ABR: variants seen among roughly 807,000 people sequenced by gnomAD.
The protein encoded by ABR is active breakpoint cluster region-related protein.
A neutral mutation model predicts 107.2 loss-of-function variants in ABR; 35 were observed. The ratio of observed to expected loss-of-function variants is 0.33; its 90% CI spans 0.25 to 0.43. The LOEUF is 0.43. Among genes scored for constraint, ABR ranks in the 20% least tolerant of loss-of-function variants. The pLI, the probability that ABR is intolerant of heterozygous loss-of-function variation, is 1.00. For synonymous variants in ABR, 498 were observed against 462.0 expected (o/e 1.08, Z -1.00); for missense variants, 815 against 1,115.2 (o/e 0.73, Z 3.83).
chr17:1,152,516 A>G (rs554285129), intron 1 of ABR, among the ~76,000 whole-genome samples: 1 of 147,128 alleles, frequency 6.8e-6, no homozygotes, highest in South Asian at 2.2e-4. Context: ...ACTTGAGTCC[A>G]GGAGGTGGAA....
At chr17:1,225,996 G>A (rs962013072) in intron 1 of ABR, among the ~76,000 whole-genome samples, 4 of 152,192 alleles carry the variant, frequency 2.6e-5, no homozygotes, top group South Asian at 2.1e-4. Context: ...ATACGCGTCC[G>A]CATAGAACCG....
intron 16 of ABR, among the ~76,000 whole-genome samples, chr17:1,014,094 G>T (rs908529261): frequency 1.3e-5 from 2 of 152,140 alleles, no homozygotes; most frequent in African/African-American, 2.4e-5. Flanking sequence ...CCTTCTCATG[G>T]ATTCAGTGGG....
At chr17:1,054,493 TCA>T (rs2032990364) in intron 14 of ABR, among the ~76,000 whole-genome samples, 2 of 142,094 alleles carry the variant, frequency 1.4e-5, no homozygotes, top group African/African-American at 5.7e-5. Flanking sequence ...ACAAGGAACC[TCA>T]AAGGGATGGG....
At chr17:1,112,596 TGAGGGAGG>T (rs886705156) in intron 2 of ABR, among the ~76,000 whole-genome samples, 16 of 111,176 alleles carry the variant, frequency 1.4e-4, no homozygotes, top group African/African-American at 5.5e-4. Flanking sequence ...GACTCTGTCT[TGAGGGAGG>T]GAGGGAGGGA....
At chr17:1,085,600 G>A (rs1461545392) in intron 4 of ABR, among the ~76,000 whole-genome samples, 1 of 152,150 alleles carries the variant, frequency 6.6e-6, no homozygotes, top group Admixed American at 6.5e-5. Context: ...CTGCAGAGCC[G>A]TATCGTTCAG....
intron 16 of ABR, among the ~76,000 whole-genome samples, chr17:1,044,193 C>T (rs973679491): frequency 1.9e-5 from 2 of 104,478 alleles, no homozygotes; most frequent in Admixed American, 8.7e-5. Flanking sequence ...GGGCAAGAGC[C>T]GGTGGAGGGG....
intron 1 of ABR, among the ~76,000 whole-genome samples, chr17:1,196,696 CT>C (rs377678872): frequency 0.3 from 40,104 of 134,672 alleles, 6,238 homozygotes; most frequent in East Asian, 0.59. Context: ...TCCAACCTTC[CT>C]TTTTTTTTTT....
intron 14 of ABR, among the ~76,000 whole-genome samples, chr17:1,054,171 G>A (rs559357597): frequency 6.6e-6 from 1 of 152,360 alleles, no homozygotes; most frequent in East Asian, 1.9e-4. Context: ...TCGGCGGGAT[G>A]CCGGAGGCTC....
intron 21 of ABR, among the ~76,000 whole-genome samples, chr17:1,007,985 C>G (rs533101868): frequency 6.6e-6 from 1 of 152,232 alleles, no homozygotes; most frequent in African/African-American, 2.4e-5. Context: ...GGACTGTCCC[C>G]CCGTGCCTGT....
At chr17:1,153,523 AGGGCTGGGGACCCAGGCACACCTG>A (rs2040898674) in intron 1 of ABR, among the ~76,000 whole-genome samples, 1 of 92,690 alleles carries the variant, frequency 1.1e-5, no homozygotes, top group Non-Finnish European at 2.1e-5. Context: ...ACCTGCGGGG[AGGGCTGGGGACCCAGGCACACCTG>A]CGGGAGGGCT....
chr17:1,132,076 G>C, intron 1 of ABR, among the ~76,000 whole-genome samples: 1 of 151,794 alleles, frequency 6.6e-6, no homozygotes, highest in East Asian at 1.9e-4. Flanking sequence ...CTCCTTGCTG[G>C]GCGCGGTGGC....
chr17:1,160,900 C>T (rs1315979521), intron 1 of ABR, among the ~76,000 whole-genome samples: 8 of 152,240 alleles, frequency 5.3e-5, no homozygotes, highest in East Asian at 1.9e-4. Flanking sequence ...GTGGGACGCC[C>T]GTGCGGTGGA....
rs57201965 is a variant in ABR at position 1,226,505 on chromosome 17, ATG to A, written c.838+2286_838+2287del. Among the ~76,000 whole-genome samples the A allele has an allele frequency of 4.4e-3, 464 of 104,966 alleles. 7 individuals carry two copies. Among genetic ancestry groups the A allele is most frequent in the African/African-American group, 0.023 (412 of 17,706 alleles). The allele number at this position is 104,966 out of a possible 152,430, so 68.9% of individuals were successfully genotyped here. A position where few individuals can be genotyped will look rare whatever the true frequency, so the allele number is the denominator to read the frequency against. ...GCCATGTGTATACGTGTAGGTGTGC[ATG>A]TGTGTGCATGCATGTATGTGACAGT... On this transcript the variant is annotated intron_variant, in intron 1 of 22. Transcript: ENST00000574139.
chr17:1,058,370 C>T (rs1026359006), intron 11 of ABR, among the ~76,000 whole-genome samples: 4 of 152,156 alleles, frequency 2.6e-5, no homozygotes, highest in Non-Finnish European at 5.9e-5. Flanking sequence ...AAACTCTTGA[C>T]CTCAGGTGAT....
chr17:1,158,650 C>A (rs1416052677), intron 1 of ABR, among the ~76,000 whole-genome samples: 3 of 151,748 alleles, frequency 2.0e-5, no homozygotes, highest in Non-Finnish European at 4.4e-5. Context: ...GTAGTCCCAG[C>A]TACTCGGGAG....
intron 1 of ABR, among the ~76,000 whole-genome samples, chr17:1,216,242 A>G (rs1477701697): frequency 1.3e-5 from 2 of 152,154 alleles, no homozygotes; most frequent in African/African-American, 2.4e-5. Flanking sequence ...CTCAGCCCTT[A>G]TATCAACTTG....
Position 1,005,883 on chromosome 17 carries a change from G to T in ABR, c.*197C>A, listed in dbSNP as rs985752125. The T allele has an allele frequency of 8.2e-6, 5 of 613,188 alleles. No individual in the cohort carries two copies. Among genetic ancestry groups the T allele is most frequent in the Non-Finnish European group, 1.5e-5 (5 of 342,692 alleles). The allele number at this position is 613,188 out of a possible 1,614,324, so 38.0% of individuals were successfully genotyped here. ...TGGAGGGCAGGAGGTGGGATGCGGT[G>T]GTGAGGCTGGGGCTGGGCAGCCGGC... On this transcript the variant is annotated 3_prime_UTR_variant, in exon 23 of 23. Coordinates refer to ENST00000302538, the MANE Select transcript of ABR (RefSeq NM_021962.5).
chr17:1,214,558 T>C (rs771281117), intron 1 of ABR, among the ~76,000 whole-genome samples: 31 of 152,114 alleles, frequency 2.0e-4, no homozygotes, highest in Non-Finnish European at 3.7e-4. Flanking sequence ...TCCCAGCACT[T>C]TGGGAGGCTG....
intron 16 of ABR, among the ~76,000 whole-genome samples, chr17:1,034,177 GCCAGGCTGGTCTC>G (rs1254216912): frequency 6.6e-6 from 1 of 151,810 alleles, no homozygotes; most frequent in Non-Finnish European, 1.5e-5. Context: ...CACCATGCTG[GCCAGGCTGGTCTC>G]AAACTCCTGA....
Sources: allele counts gnomAD v4.1 joint callset (sites outside exome capture counted in the v4.1 genomes callset), GRCh38; gene constraint gnomAD v4.1.1; transcripts MANE v1.5; gene names NCBI Gene and HGNC (gene_info 2026-07-23, HGNC 2026-07-21).